Variants in SPATA17 observed in about 807,000 individuals in gnomAD.
The protein encoded by SPATA17 is spermatogenesis associated 17.
SPATA17 carries 53 observed loss-of-function variants against 62.2 expected under a neutral mutation model. That is an observed-to-expected ratio of 0.85 (90% CI 0.68 to 1.07). The LOEUF (loss-of-function observed/expected upper bound fraction) is 1.07, where lower values mean the gene tolerates loss of function less well. Ranked by LOEUF, SPATA17 falls within the 50% of genes least tolerant of loss-of-function variation. The probability of loss-of-function intolerance (pLI) is 0.00; values close to 1 mark genes in which losing one functional copy is unlikely to be tolerated. For missense variants in SPATA17, 466 were observed against 425.5 expected (o/e 1.10, Z -0.84); for synonymous variants, 146 against 146.8 (o/e 0.99, Z 0.04).
intron 6 of SPATA17, among the ~76,000 whole-genome samples, chr1:217,761,648 C>A (rs1336569518): frequency 6.6e-6 from 1 of 151,682 alleles, no homozygotes; most frequent in Non-Finnish European, 1.5e-5. Flanking sequence ...AGGGGTAGGG[C>A]GTTAATAGAG....
At chr1:217,727,689 A>G (rs1400424979) in intron 5 of SPATA17, among the ~76,000 whole-genome samples, 2 of 152,198 alleles carry the variant, frequency 1.3e-5, no homozygotes, top group African/African-American at 2.4e-5. Context: ...ATAATTAAGC[A>G]AACATTTTCA....
intron 6 of SPATA17, among the ~76,000 whole-genome samples, chr1:217,771,669 A>T (rs1004227909): frequency 6.6e-6 from 1 of 152,206 alleles, no homozygotes. Context: ...ACTTTAAATG[A>T]TACATTTGAA....
intron 8 of SPATA17, 72 bp downstream of exon 8, chr1:217,782,394 T>G (rs1673752359): frequency 7.0e-7 from 1 of 1,423,000 alleles, no homozygotes; most frequent in Non-Finnish European, 9.3e-7. Context: ...TTTTATTTTC[T>G]AATACTGTAA....
At chr1:217,750,631 T>C (rs775691880) in intron 6 of SPATA17, among the ~76,000 whole-genome samples, 1 of 152,194 alleles carries the variant, frequency 6.6e-6, no homozygotes, top group Non-Finnish European at 1.5e-5. Context: ...GTTATGGATG[T>C]ATGGTTTGGG....
intron 5 of SPATA17, among the ~76,000 whole-genome samples, chr1:217,683,599 C>A (rs372644365): frequency 6.6e-6 from 1 of 152,008 alleles, no homozygotes; most frequent in Admixed American, 6.6e-5. Context: ...CCACCACAGC[C>A]GGCTAATTTT....
chr1:217,765,179 A>G (rs1673267125), intron 6 of SPATA17, among the ~76,000 whole-genome samples: 1 of 150,410 alleles, frequency 6.6e-6, no homozygotes, highest in African/African-American at 2.4e-5. Context: ...GTTTGCCTGG[A>G]TAGAGAATAA....
chr1:217,779,274 T>A (rs1267601897), intron 7 of SPATA17, among the ~76,000 whole-genome samples: 1 of 151,744 alleles, frequency 6.6e-6, no homozygotes, highest in Non-Finnish European at 1.5e-5. Context: ...TATGTATACT[T>A]ACATATATAT....
rs539248049 is a variant in SPATA17, at chr1:217,666,309, A to G, written c.241-2724A>G. Reference sequence around the variant, plus strand: ...AATTTCATGGAATGAAAAAAACAAAACTTTTAAGTCAGAATTCTAGAAAAT... The same window carrying G: ...AATTTCATGGAATGAAAAAAACAAAGCTTTTAAGTCAGAATTCTAGAAAAT... On this transcript the variant is annotated intron_variant, in intron 3 of 10. Transcript: ENST00000366933. Among the ~76,000 whole-genome samples, 11 of 152,270 alleles carry G rather than the reference A, an allele frequency of 7.2e-5. No homozygotes were observed. The South Asian group carries it at 2.1e-3, about 29-fold the overall frequency.
At chr1:217,848,210 G>C (rs1330512228) in intron 9 of SPATA17, among the ~76,000 whole-genome samples, 1 of 150,594 alleles carries the variant, frequency 6.6e-6, no homozygotes, top group Non-Finnish European at 1.5e-5. Context: ...GTAATGAAAA[G>C]TGGCAGACTG....
intron 3 of SPATA17, among the ~76,000 whole-genome samples, chr1:217,661,852 G>A (rs1670577717): frequency 6.6e-6 from 1 of 152,084 alleles, no homozygotes; most frequent in African/African-American, 2.4e-5. Context: ...TTTTACTGTG[G>A]CCTGTTCATT....
chr1:217,774,272 C>G (rs1283074424), intron 6 of SPATA17, 62 bp from the exon 7 acceptor site: 25 of 1,425,446 alleles, frequency 1.8e-5, no homozygotes, highest in Middle Eastern at 3.6e-4. Flanking sequence ...CATGGTACAA[C>G]TCTTTCCTTT....
intron 9 of SPATA17, among the ~76,000 whole-genome samples, chr1:217,836,675 A>T (rs917571407): frequency 5.3e-5 from 8 of 152,072 alleles, no homozygotes; most frequent in African/African-American, 1.9e-4. Context: ...TTTCCAAGCA[A>T]AGGTCTTTGG....
chr1:217,825,598 C>G (rs1186768243), intron 9 of SPATA17, among the ~76,000 whole-genome samples: 2 of 151,666 alleles, frequency 1.3e-5, no homozygotes, highest in African/African-American at 4.8e-5. Context: ...AATTATATAA[C>G]ATATACATAT....
intron 8 of SPATA17, among the ~76,000 whole-genome samples, chr1:217,785,734 A>C (rs566686674): frequency 7.4e-4 from 113 of 152,334 alleles, no homozygotes; most frequent in African/African-American, 2.7e-3. Flanking sequence ...ATAGCATTGC[A>C]TTCCTAGTTA....
chr1:217,839,399 CTG>C (rs1420107622), intron 9 of SPATA17, among the ~76,000 whole-genome samples: 1 of 152,074 alleles, frequency 6.6e-6, no homozygotes, highest in Non-Finnish European at 1.5e-5. Context: ...TGTCGTGAAA[CTG>C]TTCCTTCAGC....
intron 9 of SPATA17, among the ~76,000 whole-genome samples, chr1:217,812,640 A>G (rs1252411447): frequency 2.0e-5 from 3 of 152,174 alleles, no homozygotes; most frequent in Non-Finnish European, 4.4e-5. Flanking sequence ...CCATATTTAA[A>G]CTAGATGTGA....
intron 4 of SPATA17, among the ~76,000 whole-genome samples, chr1:217,674,173 T>G (rs1670895313): frequency 6.6e-6 from 1 of 152,120 alleles, no homozygotes; most frequent in Non-Finnish European, 1.5e-5. Flanking sequence ...GATACCTAAG[T>G]GTACTGTAGT....
At chr1:217,853,926 CA>C (rs1558077534) in intron 9 of SPATA17, among the ~76,000 whole-genome samples, 4 of 152,174 alleles carry the variant, frequency 2.6e-5, no homozygotes, top group South Asian at 4.1e-4. Context: ...AAACTTCAGC[CA>C]AATTAAATTT....
intron 9 of SPATA17, among the ~76,000 whole-genome samples, chr1:217,821,646 A>G (rs1406141716): frequency 6.6e-6 from 1 of 152,044 alleles, no homozygotes; most frequent in African/African-American, 2.4e-5. Context: ...GAGAAGAGAG[A>G]GGAATAGCTG....
Sources: gnomAD v4.1 joint callset for allele counts (sites outside exome capture counted in the v4.1 genomes callset) on GRCh38, gnomAD v4.1.1 for gene constraint, MANE v1.5 for transcripts, NCBI Gene and HGNC (gene_info 2026-07-23, HGNC 2026-07-21) for gene names.